The following GABBR2 variants were observed in gnomAD, a reference collection of about 807,000 sequenced individuals.
The protein encoded by GABBR2 is G-protein coupled receptor 51.
A neutral mutation model predicts 105.6 loss-of-function variants in GABBR2; 23 were observed. The ratio of observed to expected loss-of-function variants is 0.22; its 90% confidence interval spans 0.16 to 0.31. GABBR2 has a LOEUF of 0.31. Among genes scored for constraint, GABBR2 ranks in the 10% least tolerant of loss-of-function variants. The pLI is 1.00. For missense variants in GABBR2, 734 were observed against 1,245.5 expected, an observed-to-expected ratio of 0.59 and a Z score of 6.18; for synonymous variants, 478 against 499.7, an observed-to-expected ratio of 0.96 and a Z score of 0.58.
chr9:98,488,225 A>C (rs1827100093), intron 4 of GABBR2, among the ~76,000 whole-genome samples: 3 of 152,170 alleles, frequency 2.0e-5, no homozygotes, highest in Admixed American at 2.0e-4. Context: ...GAAGCTGTTC[A>C]GATTTTCACA....
At chr9:98,349,556 G>A (rs1051917784) in intron 13 of GABBR2, among the ~76,000 whole-genome samples, 7 of 151,840 alleles carry the variant, frequency 4.6e-5, no homozygotes, top group East Asian at 3.9e-4. Flanking sequence ...GGGTTTCACC[G>A]TGTTGGTCAG....
intron 14 of GABBR2, among the ~76,000 whole-genome samples, chr9:98,307,539 T>C (rs949642944): frequency 2.0e-5 from 3 of 152,142 alleles, no homozygotes; most frequent in African/African-American, 7.2e-5. Context: ...AACATCACAC[T>C]GAGGACCTGT....
At chr9:98,588,246 A>C (rs1348062070) in intron 1 of GABBR2, among the ~76,000 whole-genome samples, 5 of 152,208 alleles carry the variant, frequency 3.3e-5, no homozygotes, top group Non-Finnish European at 7.3e-5. Flanking sequence ...CACCATATCC[A>C]ACTGAATTAA....
intron 7 of GABBR2, among the ~76,000 whole-genome samples, chr9:98,413,916 G>A (rs1265694776): frequency 4.6e-5 from 7 of 152,230 alleles, no homozygotes; most frequent in African/African-American, 7.2e-5. Context: ...AGGTGTAAAT[G>A]AGTGTCTAAG....
At chr9:98,338,013 C>T (rs983112105) in intron 13 of GABBR2, among the ~76,000 whole-genome samples, 1 of 152,152 alleles carries the variant, frequency 6.6e-6, no homozygotes, top group African/African-American at 2.4e-5. Context: ...CAGAGTGAAA[C>T]TCCGTCTCGA....
At chr9:98,525,699 C>A (rs1283222360) in intron 3 of GABBR2, among the ~76,000 whole-genome samples, 1 of 151,384 alleles carries the variant, frequency 6.6e-6, no homozygotes, top group Non-Finnish European at 1.5e-5. Flanking sequence ...CATACATCCC[C>A]ACAAAAACTT....
chr9:98,533,719 T>G (rs1828114093), intron 3 of GABBR2, among the ~76,000 whole-genome samples: 2 of 150,976 alleles, frequency 1.3e-5, no homozygotes, highest in African/African-American at 4.9e-5. Flanking sequence ...GGGAGAAAAA[T>G]GAGGAGGAAG....
intron 16 of GABBR2, among the ~76,000 whole-genome samples, chr9:98,299,645 A>C (rs1830437438): frequency 6.6e-6 from 1 of 152,180 alleles, no homozygotes; most frequent in South Asian, 2.1e-4. Flanking sequence ...CAGGGAGAGC[A>C]TACGAGCTAA....
chr9:98,451,766 A>G (rs566036456), intron 7 of GABBR2, among the ~76,000 whole-genome samples: 2 of 152,232 alleles, frequency 1.3e-5, no homozygotes, highest in East Asian at 1.9e-4. Context: ...ATGGACCCCA[A>G]CTTCCCTTCC....
intron 1 of GABBR2, among the ~76,000 whole-genome samples, chr9:98,696,339 G>C (rs1830750667): frequency 6.6e-6 from 1 of 152,244 alleles, no homozygotes; most frequent in Non-Finnish European, 1.5e-5. Flanking sequence ...AGAGTGCTCA[G>C]CAGCAATGCT....
At chr9:98,573,484 A>G (rs923766520) in intron 2 of GABBR2, among the ~76,000 whole-genome samples, 4 of 152,090 alleles carry the variant, frequency 2.6e-5, no homozygotes, top group African/African-American at 4.8e-5. Flanking sequence ...AGGTCTCACT[A>G]TGTTCCCCAG....
At chr9:98,437,204 C>T (rs778074939) in intron 7 of GABBR2, among the ~76,000 whole-genome samples, 14 of 152,144 alleles carry the variant, frequency 9.2e-5, no homozygotes, top group Non-Finnish European at 1.9e-4. Context: ...GAAGATCCTT[C>T]TAGAGAAACG....
chr9:98,603,165 C>T (rs1829365669), intron 1 of GABBR2, among the ~76,000 whole-genome samples: 1 of 152,212 alleles, frequency 6.6e-6, no homozygotes, highest in South Asian at 2.1e-4. Context: ...ACTCTCTCTG[C>T]CCCGTCTCCT....
intron 3 of GABBR2, among the ~76,000 whole-genome samples, chr9:98,504,697 C>T (rs941744595): frequency 6.6e-6 from 1 of 152,198 alleles, no homozygotes; most frequent in Non-Finnish European, 1.5e-5. Flanking sequence ...TATAGATTTA[C>T]TTCTATTCAT....
intron 14 of GABBR2, among the ~76,000 whole-genome samples, chr9:98,307,523 C>T (rs1830570212): frequency 1.3e-5 from 2 of 152,168 alleles, no homozygotes; most frequent in Non-Finnish European, 1.5e-5. Flanking sequence ...GCTGCATGAA[C>T]CATTTAACAT....
chr9:98,610,587 T>G (rs1484081707), intron 1 of GABBR2, among the ~76,000 whole-genome samples: 1 of 152,076 alleles, frequency 6.6e-6, no homozygotes, highest in African/African-American at 2.4e-5. Flanking sequence ...AGAAATAGAC[T>G]AGACAGGCAG....
intron 1 of GABBR2, among the ~76,000 whole-genome samples, chr9:98,647,332 C>T (rs1381414246): frequency 6.6e-6 from 1 of 152,264 alleles, no homozygotes; most frequent in African/African-American, 2.4e-5. Flanking sequence ...CCCTTTCACA[C>T]AGCTCTATTC....
intron 7 of GABBR2, among the ~76,000 whole-genome samples, chr9:98,435,137 T>A (rs963891008): frequency 6.6e-6 from 1 of 152,310 alleles, no homozygotes; most frequent in Admixed American, 6.5e-5. Context: ...GGACCTGATC[T>A]TTGCTTCTGC....
intron 13 of GABBR2, among the ~76,000 whole-genome samples, chr9:98,341,271 T>C (rs1831209231): frequency 6.6e-6 from 1 of 152,206 alleles, no homozygotes; most frequent in Non-Finnish European, 1.5e-5. Flanking sequence ...CCCACAATGC[T>C]GACTGCAGAG....
Sources: gnomAD v4.1 joint callset for allele counts (sites outside exome capture counted in the v4.1 genomes callset) on GRCh38, gnomAD v4.1.1 for gene constraint, MANE v1.5 for transcripts, NCBI Gene and HGNC (gene_info 2026-07-23, HGNC 2026-07-21) for gene names.